Variants in PON3 observed in about 807,000 individuals in gnomAD.
The protein encoded by PON3 is serum paraoxonase/lactonase 3.
A neutral mutation model predicts 36.3 loss-of-function variants in PON3; 37 were observed. The ratio of observed to expected loss-of-function variants is 1.02; its 90% CI spans 0.78 to 1.34. The LOEUF (loss-of-function observed/expected upper bound fraction) is 1.34. PON3 is among the 40% of genes most tolerant of loss of function. The pLI is 0.00. For missense variants in PON3, 415 were observed against 426.5 expected (o/e 0.97, Z 0.24); for synonymous variants, 155 against 154.8 (o/e 1.00, Z -0.01).
rs187939689 is a variant in PON3 at position 95,377,685 on chromosome 7, C to T, written c.202-5347G>A. 6.8e-5 allele frequency: 17 copies of T among 250,440 alleles called. No individual in the cohort carries two copies. In the East Asian group the frequency reaches 1.2e-3, roughly 18 times the overall value. The allele number at this position is 250,440 out of a possible 1,614,324, so 15.5% of individuals were successfully genotyped here. On this transcript the variant is annotated intron_variant, in intron 3 of 8. Transcript: ENST00000265627. The stretch of plus-strand genomic sequence containing the variant: ...CTCCAACAGACCTGCAGCTGAGAGG[C>T]GCGACTGTTAGAAGGAAAACTAACA...
chr7:95,362,361 CTTCT>C lies in PON3; in HGVS notation c.903_906del (p.Glu302TyrfsTer14). 6.2e-7 allele frequency: 1 copy of C among 1,613,702 alleles called. No individual in the cohort carries two copies. Among genetic ancestry groups the C allele is most frequent in the Non-Finnish European group, 8.5e-7 (1 of 1,179,696 alleles). On this transcript the variant is annotated frameshift_variant and splice_region_variant, in exon 8 of 9. Coordinates refer to ENST00000265627, the MANE Select transcript of PON3 (RefSeq NM_000940.3). LOFTEE classifies it high-confidence loss of function. ...GAGCTCAGAGAGGTATAGGAACTTA[CTTCT>C]GATCCTGGAGGGTCCTCAGGGTTAT... is the stretch of plus-strand genomic sequence containing the variant.
intron 1 of PON3, 80 bp downstream of exon 1, chr7:95,396,197 G>C: frequency 1.4e-6 from 2 of 1,466,894 alleles, no homozygotes; most frequent in Non-Finnish European, 9.6e-7. Context: ...CCGCTAGGAA[G>C]GGGGCGCCAG....
chr7:95,376,441 C>A (rs1240124876), intron 3 of PON3, among the ~76,000 whole-genome samples: 1 of 152,098 alleles, frequency 6.6e-6, no homozygotes, highest in Non-Finnish European at 1.5e-5. Flanking sequence ...ACCAAAAGAA[C>A]AAGGTCCTGA....
In PON3 at chr7:95,396,310, A is replaced by G. The variant is rs755217808; in HGVS notation, c.41T>C (p.Leu14Pro). ...CAGGAACATCTCCCCGACTAAGGAC[A>G]GGCCGACCCCCAGCAGGACCAGCGC... ...LVALVLLGVG[L>P]SLVGEMFLAF... is the part of the protein sequence containing the mutation. The change falls in exon 1 of 9, where the codon CTG (leucine) becomes CCG (proline). Residue 14 changes from leucine (L) to proline (P), a missense_variant. By Grantham distance (98) the Leu-to-Pro change is moderately conservative. Coordinates refer to ENST00000265627, the MANE Select transcript of PON3 (RefSeq NM_000940.3). 6 of 1,614,000 alleles carry G rather than the reference A, an allele frequency of 3.7e-6. No homozygotes were observed. Among genetic ancestry groups the G allele is most frequent in the Non-Finnish European group, 4.2e-6 (5 of 1,179,970 alleles).
At chr7:95,378,251 C>A (rs911802015) in intron 3 of PON3, among the ~76,000 whole-genome samples, 7 of 152,122 alleles carry the variant, frequency 4.6e-5, no homozygotes, top group East Asian at 3.9e-4. Flanking sequence ...ATATGGGACT[C>A]TGTGAAAAGA....
intron 4 of PON3, among the ~76,000 whole-genome samples, chr7:95,369,671 G>C (rs1323962422): frequency 6.6e-6 from 1 of 152,146 alleles, no homozygotes; most frequent in Admixed American, 6.5e-5. Context: ...AGCTACTTGG[G>C]AGGCTGAGGC....
chr7:95,396,331 A>G lies in PON3; in HGVS notation c.20T>C (p.Leu7Pro). The G allele has an allele frequency of 1.2e-6, 2 of 1,613,972 alleles. No individual in the cohort carries two copies. The highest frequency in any genetic ancestry group is 1.7e-6 in the Non-Finnish European group (2 of 1,179,950). The change falls in exon 1 of 9, where the codon CTG becomes CCG. Residue 7 changes from leucine to proline, a missense_variant. Coordinates refer to ENST00000265627, the MANE Select transcript of PON3 (RefSeq NM_000940.3). ...GGACAGGCCGACCCCCAGCAGGACC[A>G]GCGCCACGAGCTTCCCCATGGTCTC... MGKLVALVLLGVGLSLV... is the reference protein window; with the variant it reads MGKLVAPVLLGVGLSLV...
At chr7:95,362,714 CTAAGG>C in intron 7 of PON3, 41 bp downstream of exon 7, 1 of 1,508,110 alleles carries the variant, frequency 6.6e-7, no homozygotes, top group Non-Finnish European at 9.2e-7. Flanking sequence ...AAGTATGGGA[CTAAGG>C]TAAGAAGTCA....
At chr7:95,360,445 T>A (rs1808542577) in intron 8 of PON3, among the ~76,000 whole-genome samples, 1 of 152,082 alleles carries the variant, frequency 6.6e-6, no homozygotes, top group Admixed American at 6.6e-5. Flanking sequence ...CCTCCCTCTG[T>A]GGGAAGAATC....
At chr7:95,371,567 T>G (rs905729126) in intron 4 of PON3, among the ~76,000 whole-genome samples, 1 of 152,214 alleles carries the variant, frequency 6.6e-6, no homozygotes. Flanking sequence ...ACATCTTTCA[T>G]GTGCTTACAG....
intron 3 of PON3, among the ~76,000 whole-genome samples, chr7:95,376,946 C>A (rs1213349295): frequency 6.6e-6 from 1 of 152,198 alleles, no homozygotes; most frequent in Admixed American, 6.5e-5. Flanking sequence ...GGCAGGGCGT[C>A]ACCTCACCCA....
intron 3 of PON3, among the ~76,000 whole-genome samples, chr7:95,385,484 C>T (rs1809168557): frequency 6.6e-6 from 1 of 151,994 alleles, no homozygotes; most frequent in African/African-American, 2.4e-5. Flanking sequence ...ACTTTAACAC[C>T]CCACTGTCAA....
chr7:95,390,868 A>C (rs1809303428), intron 2 of PON3, among the ~76,000 whole-genome samples: 1 of 152,134 alleles, frequency 6.6e-6, no homozygotes, highest in Non-Finnish European at 1.5e-5. Flanking sequence ...TGTCACCTAC[A>C]CTACGCCTGC....
At chr7:95,389,524 T>G (rs1398013918) in intron 3 of PON3, among the ~76,000 whole-genome samples, 2 of 152,192 alleles carry the variant, frequency 1.3e-5, no homozygotes. Context: ...ATGAAAAATT[T>G]CAACATCTCA....
chr7:95,386,128 G>T (rs1432916786), intron 3 of PON3, among the ~76,000 whole-genome samples: 1 of 152,082 alleles, frequency 6.6e-6, no homozygotes, highest in African/African-American at 2.4e-5. Context: ...AAAAAACTAA[G>T]ATCAGAGCAG....
At position 95,382,392 on chromosome 7, in the gene PON3, C is replaced by CA. The variant is rs537736685; in HGVS notation, c.201+7761dup. 4.2e-3 allele frequency among the ~76,000 whole-genome samples: 644 copies of CA among 152,010 alleles called. 9 individuals are homozygous for CA. The highest frequency in any genetic ancestry group is 0.014 in the African/African-American group (593 of 41,454). On this transcript the variant is annotated intron_variant, in intron 3 of 8. Coordinates refer to ENST00000265627, the MANE Select transcript of PON3 (RefSeq NM_000940.3). ...GGAGATAGAGACACAAAAAACCCTT[C>CA]AAAAAATCAATGAATCCAGGAGCTG...
intron 3 of PON3, among the ~76,000 whole-genome samples, chr7:95,384,125 T>C (rs1809132081): frequency 1.3e-5 from 2 of 152,188 alleles, no homozygotes; most frequent in African/African-American, 4.8e-5. Flanking sequence ...ATTTAATAAA[T>C]GGTGCTGGGA....
At chr7:95,378,036 G>T (rs149675824) in intron 3 of PON3, among the ~76,000 whole-genome samples, 146 of 152,288 alleles carry the variant, frequency 9.6e-4, no homozygotes, top group African/African-American at 3.5e-3. Flanking sequence ...TGGATAACTA[G>T]AATAAGCAGT....
chr7:95,373,805 C>T (rs2116393116), intron 3 of PON3, among the ~76,000 whole-genome samples: 1 of 152,182 alleles, frequency 6.6e-6, no homozygotes, highest in East Asian at 1.9e-4. Context: ...AAATTTATTT[C>T]ATTATCTTCT....
Sources: gnomAD v4.1 joint callset for allele counts (sites outside exome capture counted in the v4.1 genomes callset) on GRCh38, gnomAD v4.1.1 for gene constraint, MANE v1.5 for transcripts, NCBI Gene and HGNC (gene_info 2026-07-23, HGNC 2026-07-21) for gene names.